CPQ: variants seen among roughly 807,000 people sequenced by gnomAD.
The protein encoded by CPQ is Ser-Met dipeptidase.
A neutral mutation model predicts 45.7 loss-of-function variants in CPQ; 37 were observed. The observed-to-expected ratio is 0.81, with a 90% CI of 0.62 to 1.07. CPQ has a LOEUF of 1.07. Ranked by LOEUF, CPQ falls within the 50% of genes least tolerant of loss-of-function variation. The probability of loss-of-function intolerance (pLI) is 0.00; values close to 1 mark genes in which losing one functional copy is unlikely to be tolerated. For synonymous variants in CPQ, 186 were observed against 205.8 expected, an observed-to-expected ratio of 0.90 and a Z score of 0.82; for missense variants, 537 against 572.9, an observed-to-expected ratio of 0.94 and a Z score of 0.64.
intron 6 of CPQ, among the ~76,000 whole-genome samples, chr8:97,038,741 T>C (rs939174650): frequency 6.0e-5 from 9 of 149,920 alleles, no homozygotes; most frequent in Admixed American, 2.0e-4. Flanking sequence ...GGTCATATGG[T>C]TTCTCTACTC....
At chr8:96,931,747 C>T (rs1812978500) in intron 4 of CPQ, among the ~76,000 whole-genome samples, 1 of 152,154 alleles carries the variant, frequency 6.6e-6, no homozygotes, top group Admixed American at 6.5e-5. Context: ...CTCCTCTGTT[C>T]CAATCTCCAA....
chr8:96,908,107 CGTGTGTGTGTGTGT>C (rs35548556), intron 4 of CPQ, among the ~76,000 whole-genome samples: 9 of 145,814 alleles, frequency 6.2e-5, no homozygotes, highest in Non-Finnish European at 9.0e-5. Context: ...CCCACTGCAA[CGTGTGTGTGTGTGT>C]GTGTGTGTGT....
At position 96,854,580 on chromosome 8, in the gene CPQ, AGTAAAAGT is replaced by A. The variant is rs554381435; in HGVS notation, c.641+19405_641+19412del. Among the ~76,000 whole-genome samples, 33 of 149,646 alleles carry A rather than the reference AGTAAAAGT, an allele frequency of 2.2e-4. No homozygotes were observed. The East Asian group carries it at 6.3e-3, about 28-fold the overall frequency. ...AAAAATGTGGTGGAACTAAAAGCCC[AGTAAAAGT>A]GTAACATGAAAGGAAAGGCTATGTT... On this transcript the variant is annotated intron_variant, in intron 3 of 7. Transcript: ENST00000220763.
intron 4 of CPQ, among the ~76,000 whole-genome samples, chr8:96,911,228 A>T (rs1812658546): frequency 6.6e-6 from 1 of 152,308 alleles, no homozygotes; most frequent in Non-Finnish European, 1.5e-5. Flanking sequence ...AACATATAAG[A>T]CATCAACCAC....
At chr8:97,079,883 T>C (rs552511481) in intron 7 of CPQ, among the ~76,000 whole-genome samples, 61 of 152,254 alleles carry the variant, frequency 4.0e-4, no homozygotes, top group African/African-American at 1.3e-3. Context: ...TTAGTTAATA[T>C]AGGGAAATAG....
chr8:97,127,056 A>G (rs1319090092), intron 7 of CPQ, among the ~76,000 whole-genome samples: 1 of 152,222 alleles, frequency 6.6e-6, no homozygotes, highest in African/African-American at 2.4e-5. Context: ...ATCTTAAACT[A>G]TGATAATTAT....
intron 1 of CPQ, among the ~76,000 whole-genome samples, chr8:96,668,634 G>A (rs1357280700): frequency 6.6e-6 from 1 of 152,104 alleles, no homozygotes; most frequent in East Asian, 1.9e-4. Context: ...CAGGAAGATG[G>A]AGTAAATGTA....
In CPQ at chr8:96,908,777, A is replaced by ACACC. The variant is rs147900019; in HGVS notation, c.849+28773_849+28774insACCC. 1.4e-3 allele frequency among the ~76,000 whole-genome samples: 216 copies of ACACC among 150,266 alleles called. 3 individuals carry two copies. Among genetic ancestry groups the ACACC allele is most frequent in the South Asian group, 2.1e-3 (10 of 4,730 alleles). On this transcript the variant is annotated intron_variant, in intron 4 of 7. Transcript: ENST00000220763. ...CACACACACACACACACACACACACACCATATATTCTGGGGAAGAGGTGTT... is the reference window on the plus strand; with the variant it reads ...CACACACACACACACACACACACACACACCCCATATATTCTGGGGAAGAGGTGTT...
At chr8:96,939,393 G>A (rs955571218) in intron 4 of CPQ, among the ~76,000 whole-genome samples, 1 of 152,210 alleles carries the variant, frequency 6.6e-6, no homozygotes, top group Non-Finnish European at 1.5e-5. Flanking sequence ...GTACCAGTAT[G>A]CTAGCTGGGG....
chr8:96,772,682 C>G (rs1055473501), intron 1 of CPQ, among the ~76,000 whole-genome samples: 4 of 152,030 alleles, frequency 2.6e-5, no homozygotes, highest in African/African-American at 9.7e-5. Flanking sequence ...AAACGAGAGG[C>G]AGTCAACAAT....
chr8:96,860,028 A>G (rs1050504283), intron 3 of CPQ, among the ~76,000 whole-genome samples: 1 of 152,156 alleles, frequency 6.6e-6, no homozygotes, highest in Non-Finnish European at 1.5e-5. Flanking sequence ...AACCAGGTCT[A>G]TCTCTGATCT....
chr8:97,052,613 ATTTTGGTGAGTCTAACAT>A (rs1320090975), intron 6 of CPQ, among the ~76,000 whole-genome samples: 1 of 152,086 alleles, frequency 6.6e-6, no homozygotes, highest in Non-Finnish European at 1.5e-5. Context: ...TGGCCAAGTT[ATTTTGGTGAGTCTAACAT>A]ATGGGAGTCT....
At chr8:96,883,396 A>T (rs1266794917) in intron 4 of CPQ, among the ~76,000 whole-genome samples, 2 of 152,218 alleles carry the variant, frequency 1.3e-5, no homozygotes, top group Non-Finnish European at 2.9e-5. Flanking sequence ...CAGAAGGTAG[A>T]TGGACAATTT....
At chr8:97,110,483 G>C (rs1443231997) in intron 7 of CPQ, among the ~76,000 whole-genome samples, 1 of 152,108 alleles carries the variant, frequency 6.6e-6, no homozygotes, top group Non-Finnish European at 1.5e-5. Context: ...ATATCTAGGA[G>C]TGGGATTGCC....
At chr8:96,742,528 C>T (rs1168552429) in intron 1 of CPQ, among the ~76,000 whole-genome samples, 1 of 151,664 alleles carries the variant, frequency 6.6e-6, no homozygotes, top group Non-Finnish European at 1.5e-5. Context: ...ATGATGTTAG[C>T]TGGTTATTTT....
chr8:96,947,998 C>T (rs1333222858), intron 4 of CPQ, among the ~76,000 whole-genome samples: 1 of 152,020 alleles, frequency 6.6e-6, no homozygotes, highest in Admixed American at 6.6e-5. Context: ...CCCAATATAG[C>T]AACCAAAACA....
chr8:97,038,805 T>C lies in CPQ; in HGVS notation c.1053+9311T>C, dbSNP rs564915277. 1.1e-4 allele frequency among the ~76,000 whole-genome samples: 14 copies of C among 129,192 alleles called. No homozygotes were observed. The South Asian group carries it at 3.4e-3, about 32-fold the overall frequency. The allele number at this position is 129,192 out of a possible 152,430, so 84.8% of individuals were successfully genotyped here. On this transcript the variant is annotated intron_variant, in intron 6 of 7. Coordinates refer to ENST00000220763, the MANE Select transcript of CPQ (RefSeq NM_016134.4). ...AACTAGACAAATGAGTATGGCTGTA[T>C]TCCAAAAAAACCGTATTTACAAAAA... is the stretch of plus-strand genomic sequence containing the variant.
chr8:97,065,945 T>C lies in CPQ; in HGVS notation c.1054-64T>C. On this transcript the variant is annotated intron_variant, in intron 6 of 7. Transcript: ENST00000220763. The stretch of plus-strand genomic sequence containing the variant: ...AAAGTATTTGGTAATTGTTGTTTGA[T>C]AGTTCCCAAGGAGAAAGCACTGAAG... The C allele has an allele frequency of 2.7e-6, 4 of 1,493,604 alleles. No individual in the cohort carries two copies. In the South Asian group the frequency reaches 4.7e-5, roughly 17 times the overall value. The allele number at this position is 1,493,604 out of a possible 1,614,324, so 92.5% of individuals were successfully genotyped here. A position where few individuals can be genotyped will look rare whatever the true frequency, so the allele number is the denominator to read the frequency against.
intron 7 of CPQ, among the ~76,000 whole-genome samples, chr8:97,118,148 A>G (rs1811626654): frequency 1.3e-5 from 2 of 152,236 alleles, no homozygotes. Flanking sequence ...ACCTTTTGGT[A>G]CATCAAAGAG....
Sources: gnomAD v4.1 joint callset for allele counts (sites outside exome capture counted in the v4.1 genomes callset) on GRCh38, gnomAD v4.1.1 for gene constraint, MANE v1.5 for transcripts, NCBI Gene and HGNC (gene_info 2026-07-23, HGNC 2026-07-21) for gene names.